The following SNX29 variants were observed in gnomAD, a reference collection of about 807,000 sequenced individuals.
SNX29 encodes the protein sorting nexin 29, also known as sorting nexin-29.
Under a neutral mutation model 102.1 loss-of-function variants are expected in SNX29, and 78 were observed. The ratio of observed to expected loss-of-function variants is 0.76; its 90% CI spans 0.64 to 0.92. The LOEUF is 0.92. Among genes scored for constraint, SNX29 ranks in the 40% least tolerant of loss-of-function variants. The probability of loss-of-function intolerance (pLI) is 0.00; values close to 1 mark genes in which losing one functional copy is unlikely to be tolerated. For missense variants in SNX29, 1,280 were observed against 1,061.7 expected, an observed-to-expected ratio of 1.21 and a Z score of -2.86; for synonymous variants, 580 against 414.5, an observed-to-expected ratio of 1.40 and a Z score of -4.85.
chr16:12,105,195 T>TCCTCCCTTCCTCCCTCCCTCCCTC, intron 11 of SNX29, among the ~76,000 whole-genome samples: 1 of 139,874 alleles, frequency 7.1e-6, no homozygotes, highest in Non-Finnish European at 1.6e-5. Flanking sequence ...TTTCCTTCCT[T>TCCTCCCTTCCTCCCTCCCTCCCTC]CCTCCCTTCC....
chr16:12,166,591 C>T (rs971165806), intron 13 of SNX29, among the ~76,000 whole-genome samples: 4 of 152,184 alleles, frequency 2.6e-5, no homozygotes, highest in African/African-American at 9.7e-5. Flanking sequence ...CTTACCAGAG[C>T]CTTTCCCCAC....
chr16:12,215,003 G>A (rs946791164), intron 14 of SNX29, among the ~76,000 whole-genome samples: 2 of 152,176 alleles, frequency 1.3e-5, no homozygotes, highest in Non-Finnish European at 2.9e-5. Context: ...ACAGTGCCTG[G>A]TCCCTGGTGG....
In SNX29 at chr16:12,013,500, A is replaced by AATAT. The variant is rs66491414; in HGVS notation, c.122+10496_122+10499dup. 7.2e-3 allele frequency among the ~76,000 whole-genome samples: 228 copies of AATAT among 31,462 alleles called. 14 individuals are homozygous for AATAT. Among genetic ancestry groups the AATAT allele is most frequent in the Admixed American group, 9.5e-3 (17 of 1,782 alleles). The allele number at this position is 31,462 out of a possible 152,430, so 20.6% of individuals were successfully genotyped here. On this transcript the variant is annotated intron_variant, in intron 3 of 20. Coordinates refer to ENST00000566228, the MANE Select transcript of SNX29 (RefSeq NM_032167.5). Reference sequence around the variant, plus strand: ...GTCTCTACTGGGGGAAAAAAAAAAAAATATATATATATATATATATATATA... The same window carrying AATAT: ...GTCTCTACTGGGGGAAAAAAAAAAAAATATATATATATATATATATATATATATA...
intron 20 of SNX29, among the ~76,000 whole-genome samples, chr16:12,563,453 G>A (rs527869963): frequency 4.5e-4 from 69 of 152,296 alleles, no homozygotes; most frequent in African/African-American, 1.6e-3. Context: ...GTAAATTTAG[G>A]AAACCTAATA....
chr16:12,219,031 C>A (rs1490899489), intron 14 of SNX29, among the ~76,000 whole-genome samples: 4 of 152,144 alleles, frequency 2.6e-5, no homozygotes, highest in Non-Finnish European at 5.9e-5. Flanking sequence ...GCCTTGGCCT[C>A]CCAAAGTGCT....
intron 1 of SNX29, among the ~76,000 whole-genome samples, chr16:11,985,928 G>T (rs2055604879): frequency 6.7e-6 from 1 of 150,070 alleles, no homozygotes; most frequent in Non-Finnish European, 1.5e-5. Context: ...TGTCTCCCAT[G>T]TTCAAGTGAT....
chr16:12,554,433 T>G (rs1042404031), intron 20 of SNX29, among the ~76,000 whole-genome samples: 2 of 152,242 alleles, frequency 1.3e-5, no homozygotes, highest in African/African-American at 4.8e-5. Context: ...TGTCCTGCTG[T>G]TTCCGCACAC....
chr16:12,032,989 G>A (rs2430655), intron 4 of SNX29, among the ~76,000 whole-genome samples: 16,662 of 151,972 alleles, frequency 0.11, 1,250 homozygotes, highest in East Asian at 0.35. Flanking sequence ...CAAGTAGCTG[G>A]GATTACAGGC....
At chr16:12,459,084 TC>T (rs979292679) in intron 18 of SNX29, among the ~76,000 whole-genome samples, 5 of 43,338 alleles carry the variant, frequency 1.2e-4, no homozygotes, top group East Asian at 1.7e-3. Flanking sequence ...CCCGGTCCAC[TC>T]CCCCCTCCTC....
chr16:12,427,658 C>T lies in SNX29; in HGVS notation c.2037+24129C>T, dbSNP rs1398975565. ...TGGAGGTTAATAAAACGGCCAGAGA[C>T]AATGCCTGTGCCAGGACAGGCTGAA... On this transcript the variant is annotated intron_variant, in intron 18 of 20. Transcript: ENST00000566228. Among the ~76,000 whole-genome samples, 4 of 152,328 alleles carry T rather than the reference C, an allele frequency of 2.6e-5. No homozygotes were observed. The East Asian group carries it at 7.7e-4, about 29-fold the overall frequency.
chr16:12,058,967 A>AT (rs759397056), intron 8 of SNX29, among the ~76,000 whole-genome samples: 1 of 150,936 alleles, frequency 6.6e-6, no homozygotes. Flanking sequence ...TAATTTTTAA[A>AT]TTTTTTGTAG....
At chr16:12,548,225 A>G (rs2077733068) in intron 20 of SNX29, among the ~76,000 whole-genome samples, 1 of 152,128 alleles carries the variant, frequency 6.6e-6, no homozygotes, top group Non-Finnish European at 1.5e-5. Flanking sequence ...GGATCCTGCC[A>G]CAGTGTTAGG....
chr16:12,082,818 G>A (rs987375633), intron 11 of SNX29, among the ~76,000 whole-genome samples: 10 of 152,088 alleles, frequency 6.6e-5, no homozygotes, highest in African/African-American at 2.4e-4. Flanking sequence ...ATGTCATCCA[G>A]CACAGATGAG....
At chr16:12,239,568 C>T (rs2078036861) in intron 14 of SNX29, among the ~76,000 whole-genome samples, 2 of 146,972 alleles carry the variant, frequency 1.4e-5, no homozygotes, top group African/African-American at 5.1e-5. Context: ...TGGCTCACTC[C>T]TGTAATCCCA....
At chr16:12,515,843 C>T (rs2089840043) in intron 19 of SNX29, among the ~76,000 whole-genome samples, 2 of 152,080 alleles carry the variant, frequency 1.3e-5, no homozygotes, top group South Asian at 2.1e-4. Context: ...ACAATTAACG[C>T]GAGTGCCAGT....
intron 1 of SNX29, among the ~76,000 whole-genome samples, chr16:11,995,827 C>T (rs940869760): frequency 2.0e-5 from 3 of 151,302 alleles, no homozygotes; most frequent in Non-Finnish European, 3.0e-5. Context: ...TTTGGGAGGC[C>T]GAGGTGGGTG....
At chr16:12,392,123 C>A (rs1472713931) in intron 16 of SNX29, among the ~76,000 whole-genome samples, 1 of 152,190 alleles carries the variant, frequency 6.6e-6, no homozygotes, top group Non-Finnish European at 1.5e-5. Context: ...GCTCACCTGA[C>A]ACTTTGTTTT....
chr16:12,234,609 G>A (rs2077868605), intron 14 of SNX29, among the ~76,000 whole-genome samples: 1 of 151,740 alleles, frequency 6.6e-6, no homozygotes, highest in South Asian at 2.1e-4. Flanking sequence ...ATGTACTTTT[G>A]GCATCATATC....
At chr16:11,979,648 A>G (rs985434940) in intron 1 of SNX29, among the ~76,000 whole-genome samples, 6 of 152,102 alleles carry the variant, frequency 3.9e-5, no homozygotes, top group African/African-American at 1.4e-4. Context: ...CAGTGGCAGG[A>G]TCTTAGCTTA....
Sources: allele counts gnomAD v4.1 joint callset (sites outside exome capture counted in the v4.1 genomes callset), GRCh38; gene constraint gnomAD v4.1.1; transcripts MANE v1.5; gene names NCBI Gene and HGNC (gene_info 2026-07-23, HGNC 2026-07-21).